Variants in PHLPP2 observed in about 807,000 individuals in gnomAD.
PHLPP2 encodes PH domain and leucine rich repeat protein phosphatase 2, also known as PH domain leucine-rich repeat-containing protein phosphatase 2.
Under a neutral mutation model 124.9 loss-of-function variants are expected in PHLPP2, and 66 were observed. The observed-to-expected ratio is 0.53, with a 90% confidence interval of 0.43 to 0.65. The LOEUF (loss-of-function observed/expected upper bound fraction) is 0.65. PHLPP2 is among the 30% of genes least tolerant of loss of function. The pLI is 0.00. For missense variants in PHLPP2, 1,685 were observed against 1,600.4 expected, an observed-to-expected ratio of 1.05 and a Z score of -0.90; for synonymous variants, 681 against 624.7, an observed-to-expected ratio of 1.09 and a Z score of -1.34.
chr16:71,711,548 G>A (rs1219523252), intron 2 of PHLPP2, among the ~76,000 whole-genome samples: 2 of 152,180 alleles, frequency 1.3e-5, no homozygotes, highest in African/African-American at 2.4e-5. Flanking sequence ...CTTAGTAGCC[G>A]ATTGCACTTA....
chr16:71,718,722 AG>A (rs1346701709), intron 1 of PHLPP2, among the ~76,000 whole-genome samples: 1 of 152,198 alleles, frequency 6.6e-6, no homozygotes, highest in African/African-American at 2.4e-5. Context: ...AATAAAATAA[AG>A]ATTAAAACAA....
intron 4 of PHLPP2, among the ~76,000 whole-genome samples, chr16:71,686,048 G>A (rs12924271): frequency 6.6e-6 from 1 of 152,246 alleles, no homozygotes; most frequent in African/African-American, 2.4e-5. Context: ...GGAGGCTGCA[G>A]TGAGCTGAGA....
Position 71,673,104 on chromosome 16 carries a change from T to C in PHLPP2, c.1472-782A>G, listed in dbSNP as rs192255256. Among the ~76,000 whole-genome samples, 416 of 148,652 alleles carry C rather than the reference T, an allele frequency of 2.8e-3. 8 individuals are homozygous for C. Among genetic ancestry groups the C allele is most frequent in the African/African-American group, 0.011 (408 of 38,136 alleles). ...TATACCACAATTTATTTGCCCATTT[T>C]AGAGTTGATGACATGTTAAGTCTTT... On this transcript the variant is annotated intron_variant, in intron 9 of 18. Coordinates refer to ENST00000568954, the MANE Select transcript of PHLPP2 (RefSeq NM_015020.3).
intron 3 of PHLPP2, among the ~76,000 whole-genome samples, chr16:71,699,322 C>T (rs2145365499): frequency 6.6e-6 from 1 of 152,230 alleles, no homozygotes; most frequent in East Asian, 1.9e-4. Context: ...TGTCTTTTTA[C>T]CAATCGAATG....
chr16:71,687,158 C>G (rs185176972), intron 4 of PHLPP2, among the ~76,000 whole-genome samples: 2 of 152,224 alleles, frequency 1.3e-5, no homozygotes, highest in Non-Finnish European at 2.9e-5. Context: ...ATTTGCATTT[C>G]CCTAATGACT....
Position 71,655,435 on chromosome 16 carries a change from C to CA in PHLPP2, c.2391-2_2391-1insT. The CA allele has an allele frequency of 6.2e-7, 1 of 1,603,126 alleles. No individual in the cohort carries two copies. The highest frequency in any genetic ancestry group is 8.5e-7 in the Non-Finnish European group (1 of 1,172,026). ...CATAGCAAGTGCTGAGACACACAGC[C>CA]TATAATAGAAACATGAAAACAGAAA... is the stretch of plus-strand genomic sequence containing the variant. On this transcript the variant is annotated splice_acceptor_variant, in intron 16 of 18. Transcript: ENST00000568954. LOFTEE classifies it high-confidence loss of function.
At chr16:71,691,795 G>A (rs939249185) in intron 3 of PHLPP2, among the ~76,000 whole-genome samples, 5 of 151,926 alleles carry the variant, frequency 3.3e-5, no homozygotes, top group South Asian at 2.1e-4. Flanking sequence ...CAGAAAAGAC[G>A]TGAAGTTCTT....
chr16:71,689,989 G>A (rs1018974019), intron 4 of PHLPP2, among the ~76,000 whole-genome samples: 1 of 152,120 alleles, frequency 6.6e-6, no homozygotes, highest in Admixed American at 6.5e-5. Flanking sequence ...TGTATAGATA[G>A]CTTCCTAAAA....
At chr16:71,704,142 C>G (rs942415030) in intron 2 of PHLPP2, among the ~76,000 whole-genome samples, 6 of 151,908 alleles carry the variant, frequency 3.9e-5, no homozygotes, top group Admixed American at 3.9e-4. Context: ...AACTCCATCT[C>G]TGCTAAAAAT....
intron 1 of PHLPP2, among the ~76,000 whole-genome samples, chr16:71,721,313 TAATAAC>T (rs1011310577): frequency 2.7e-5 from 4 of 149,490 alleles, no homozygotes; most frequent in African/African-American, 9.9e-5. Context: ...CTCAAAAAAA[TAATAAC>T]AATAATAACG....
intron 9 of PHLPP2, 129 bp downstream of exon 9, chr16:71,676,318 A>G: frequency 1.5e-6 from 1 of 659,830 alleles, no homozygotes. Flanking sequence ...GAAGAGATAA[A>G]GCTTTGCCTC....
intron 13 of PHLPP2, among the ~76,000 whole-genome samples, chr16:71,661,243 G>A (rs1276536352): frequency 2.0e-5 from 3 of 151,630 alleles, no homozygotes; most frequent in Admixed American, 1.3e-4. Flanking sequence ...GCTGATTTTT[G>A]TATTTTTAGT....
rs2044659105 is a variant in PHLPP2 at position 71,647,130 on chromosome 16, A to G, written c.*1760T>C. ...AACAAATTAAAAATGGCCCTACTTTATTTTTAATTGTAAAAGTGTTCCAAA... is the reference window on the plus strand; with the variant it reads ...AACAAATTAAAAATGGCCCTACTTTGTTTTTAATTGTAAAAGTGTTCCAAA... On this transcript the variant is annotated 3_prime_UTR_variant, in exon 19 of 19. Transcript: ENST00000568954. 6.6e-6 allele frequency: 1 copy of G among 152,614 alleles called. No individual in the cohort carries two copies. The highest frequency in any genetic ancestry group is 2.4e-5 in the African/African-American group (1 of 41,452). The allele number at this position is 152,614 out of a possible 1,614,324, so 9.5% of individuals were successfully genotyped here. A position where few individuals can be genotyped will look rare whatever the true frequency, so the allele number is the denominator to read the frequency against.
At chr16:71,663,077 CT>C (rs777923815) in intron 13 of PHLPP2, among the ~76,000 whole-genome samples, 1 of 152,114 alleles carries the variant, frequency 6.6e-6, no homozygotes, top group Admixed American at 6.6e-5. Flanking sequence ...TGCATATCGT[CT>C]TTAACAGCCT....
chr16:71,691,294 A>C (rs1343091639), intron 3 of PHLPP2, among the ~76,000 whole-genome samples: 4 of 151,976 alleles, frequency 2.6e-5, no homozygotes, highest in Non-Finnish European at 4.4e-5. Context: ...CTCTACTAAA[A>C]ATACAAAAAC....
At chr16:71,690,111 T>TC (rs2045095016) in intron 4 of PHLPP2, among the ~76,000 whole-genome samples, 1 of 152,170 alleles carries the variant, frequency 6.6e-6, no homozygotes, top group South Asian at 2.1e-4. Flanking sequence ...ATGGCATGGC[T>TC]CCCTGGCTGC....
At chr16:71,654,498 C>A (rs1242361828) in intron 17 of PHLPP2, among the ~76,000 whole-genome samples, 2 of 152,212 alleles carry the variant, frequency 1.3e-5, no homozygotes, top group Non-Finnish European at 2.9e-5. Flanking sequence ...GATGTTCTCT[C>A]ATGATGCTGG....
intron 1 of PHLPP2, among the ~76,000 whole-genome samples, chr16:71,718,579 C>CAAAAAAAAA (rs71153657): frequency 2.6e-5 from 3 of 114,218 alleles, no homozygotes; most frequent in Non-Finnish European, 1.8e-5. Context: ...GACTCTATCT[C>CAAAAAAAAA]AAAAAAAAAA....
chr16:71,665,586 A>G (rs767305924), intron 12 of PHLPP2, among the ~76,000 whole-genome samples: 9 of 152,210 alleles, frequency 5.9e-5, no homozygotes, highest in Non-Finnish European at 1.0e-4. Context: ...TAAGTTTTAC[A>G]TAACGAATTA....
Sources: gnomAD v4.1 joint callset for allele counts (sites outside exome capture counted in the v4.1 genomes callset) on GRCh38, gnomAD v4.1.1 for gene constraint, MANE v1.5 for transcripts, NCBI Gene and HGNC (gene_info 2026-07-23, HGNC 2026-07-21) for gene names.